REEP5: variants seen among roughly 807,000 people sequenced by gnomAD.
REEP5 encodes the protein receptor accessory protein 5.
In REEP5, 24 loss-of-function variants were observed where a neutral mutation model predicts 22.4. The ratio of observed to expected loss-of-function variants is 1.07; its 90% CI spans 0.78 to 1.51. The LOEUF (loss-of-function observed/expected upper bound fraction) is 1.51. REEP5 is among the 40% of genes most tolerant of loss of function. REEP5 has a pLI of 0.00. For missense variants in REEP5, 252 were observed against 233.0 expected (o/e 1.08, Z -0.53); for synonymous variants, 103 against 88.6 (o/e 1.16, Z -0.92).
At chr5:112,913,205 G>A (rs1231476812) in intron 2 of REEP5, among the ~76,000 whole-genome samples, 2 of 152,076 alleles carry the variant, frequency 1.3e-5, no homozygotes, top group Non-Finnish European at 2.9e-5. Flanking sequence ...TGAGGCAGGA[G>A]AATCGCTTGA....
intron 4 of REEP5, among the ~76,000 whole-genome samples, chr5:112,885,921 T>C (rs1156297247): frequency 6.6e-6 from 1 of 152,154 alleles, no homozygotes; most frequent in Non-Finnish European, 1.5e-5. Flanking sequence ...GACCTGGGTA[T>C]CTCCAATCTA....
In REEP5 at chr5:112,921,067, T is replaced by G; in HGVS notation, c.212+96A>C. On this transcript the variant is annotated intron_variant, in intron 2 of 4. Transcript: ENST00000379638. Reference sequence around the variant, plus strand: ...CATCCCTCCCCGCCGAGCTTTCACTTTTCTCCCGGGAATTGCGGATGTGCA... The same window carrying G: ...CATCCCTCCCCGCCGAGCTTTCACTGTTCTCCCGGGAATTGCGGATGTGCA... 4.0e-6 allele frequency: 5 copies of G among 1,247,282 alleles called. No individual in the cohort carries two copies. The South Asian group carries it at 6.6e-5, about 17-fold the overall frequency. The allele number at this position is 1,247,282 out of a possible 1,614,324, so 77.3% of individuals were successfully genotyped here.
At chr5:112,908,091 T>G (rs1768996100) in intron 2 of REEP5, among the ~76,000 whole-genome samples, 3 of 91,822 alleles carry the variant, frequency 3.3e-5, no homozygotes, top group South Asian at 3.2e-4. Context: ...AGAGACTTTC[T>G]TTGTTTTTTG....
intron 4 of REEP5, among the ~76,000 whole-genome samples, chr5:112,879,342 G>A (rs1389146798): frequency 6.6e-6 from 1 of 150,384 alleles, no homozygotes; most frequent in Non-Finnish European, 1.5e-5. Context: ...GGGGGCTGGG[G>A]GGGCGGTGGG....
At chr5:112,904,538 G>A (rs74328965) in intron 2 of REEP5, among the ~76,000 whole-genome samples, 3,822 of 152,252 alleles carry the variant, frequency 0.025, 172 homozygotes, top group African/African-American at 0.088. Flanking sequence ...ACACACCTGG[G>A]AATTAAACAG....
intron 1 of REEP5, chr5:112,921,758 G>T: frequency 4.0e-6 from 1 of 252,466 alleles, no homozygotes. Flanking sequence ...CCCGCCGTCC[G>T]CGCCCACCGC....
chr5:112,914,895 C>G (rs1048747333), intron 2 of REEP5, among the ~76,000 whole-genome samples: 1 of 152,208 alleles, frequency 6.6e-6, no homozygotes, highest in Non-Finnish European at 1.5e-5. Flanking sequence ...GGGTACGTTT[C>G]TACAGCCCCC....
intron 3 of REEP5, chr5:112,891,779 G>T: frequency 1.2e-6 from 2 of 1,613,494 alleles, no homozygotes; most frequent in East Asian, 4.5e-5. Context: ...AGAGACTCAG[G>T]ACTCTCACAG....
intron 3 of REEP5, chr5:112,897,967 G>A (rs1768741533): frequency 6.6e-6 from 1 of 152,304 alleles, no homozygotes. Flanking sequence ...GCTGTGGCAG[G>A]AGAATCGCTG....
At chr5:112,888,611 T>C (rs1179060228) in intron 3 of REEP5, among the ~76,000 whole-genome samples, 1 of 142,280 alleles carries the variant, frequency 7.0e-6, no homozygotes, top group Non-Finnish European at 1.5e-5. Context: ...CTTTTTTTTG[T>C]AGAGACAAGT....
In REEP5 at chr5:112,922,213, G is replaced by A; in HGVS notation, c.-23C>T. 1.3e-6 allele frequency: 2 copies of A among 1,595,674 alleles called. No individual in the cohort carries two copies. Among genetic ancestry groups the A allele is most frequent in the Non-Finnish European group, 1.7e-6 (2 of 1,171,554 alleles). On this transcript the variant is annotated 5_prime_UTR_variant, in exon 1 of 5. Transcript: ENST00000379638. ...CATGGCGGGGACCGTCTCGCCGCTC[G>A]GGGCTGTTCCTAGTGCCGGATAGAC...
chr5:112,919,805 G>A (rs536095034), intron 2 of REEP5, among the ~76,000 whole-genome samples: 2 of 152,244 alleles, frequency 1.3e-5, no homozygotes, highest in South Asian at 2.1e-4. Context: ...AAATTATCCA[G>A]TCTAAGGTAT....
chr5:112,904,068 G>A (rs1036870024), intron 2 of REEP5, among the ~76,000 whole-genome samples: 3 of 152,174 alleles, frequency 2.0e-5, no homozygotes, highest in Non-Finnish European at 4.4e-5. Context: ...CTGGCCTCAA[G>A]CAATCCTCCT....
rs555496289 is a variant in REEP5 at position 112,915,674 on chromosome 5, C to T, written c.212+5489G>A. Among the ~76,000 whole-genome samples, 4 of 152,292 alleles carry T rather than the reference C, an allele frequency of 2.6e-5. No homozygotes were observed. The South Asian group carries it at 6.2e-4, about 24-fold the overall frequency. ...TTATATTTTTTATCCAAGTGCACAT[C>T]GGCCAGAAGGCCACATTGGCTTGTG... On this transcript the variant is annotated intron_variant, in intron 2 of 4. Transcript: ENST00000379638.
chr5:112,887,319 G>A (rs1057089172), intron 3 of REEP5, 136 bp from the exon 4 acceptor site: 2 of 798,534 alleles, frequency 2.5e-6, no homozygotes, highest in African/African-American at 3.5e-5. Context: ...AGTGTTTTCT[G>A]CAGGTTAAAG....
At chr5:112,892,961 G>A (rs768335766) in intron 3 of REEP5, 54 of 1,595,028 alleles carry the variant, frequency 3.4e-5, no homozygotes, top group Non-Finnish European at 4.4e-5. Context: ...CAGGGCCGCC[G>A]GAGCCAGAGC....
At chr5:112,887,584 T>C (rs1189923259) in intron 3 of REEP5, among the ~76,000 whole-genome samples, 1 of 152,210 alleles carries the variant, frequency 6.6e-6, no homozygotes, top group Non-Finnish European at 1.5e-5. Flanking sequence ...GGCCTGTGCT[T>C]GGTAGGCTTA....
chr5:112,887,870 T>C (rs1004401056), intron 3 of REEP5, among the ~76,000 whole-genome samples: 1 of 152,238 alleles, frequency 6.6e-6, no homozygotes, highest in African/African-American at 2.4e-5. Flanking sequence ...ATTTTTACTG[T>C]TGATTCAAAT....
intron 2 of REEP5, among the ~76,000 whole-genome samples, chr5:112,914,165 C>T (rs1298780341): frequency 6.6e-6 from 1 of 151,208 alleles, no homozygotes; most frequent in Non-Finnish European, 1.5e-5. Context: ...TCAAAAAAAC[C>T]AGGCTGGAGT....
Sources: allele counts gnomAD v4.1 joint callset (sites outside exome capture counted in the v4.1 genomes callset), GRCh38; gene constraint gnomAD v4.1.1; transcripts MANE v1.5; gene names NCBI Gene and HGNC (gene_info 2026-07-23, HGNC 2026-07-21).